RCN1: variants seen among roughly 807,000 people sequenced by gnomAD.
RCN1 encodes reticulocalbin 1.
RCN1 carries 14 observed loss-of-function variants against 34.7 expected under a neutral mutation model. That is an observed-to-expected ratio of 0.40 (90% CI 0.27 to 0.63). RCN1 has a LOEUF of 0.63. Ranked by LOEUF, RCN1 falls within the 30% of genes least tolerant of loss-of-function variation. The pLI is 0.37. For missense variants in RCN1, 326 were observed against 425.1 expected, an observed-to-expected ratio of 0.77 and a Z score of 2.05; for synonymous variants, 125 against 165.5, an observed-to-expected ratio of 0.76 and a Z score of 1.88.
chr11:32,092,787 G>T, intron 1 of RCN1, among the ~76,000 whole-genome samples: 1 of 152,120 alleles, frequency 6.6e-6, no homozygotes, highest in Non-Finnish European at 1.5e-5. Context: ...GGGGGTGGAG[G>T]ATCTTCATGT....
chr11:32,097,318 C>T lies in RCN1; in HGVS notation c.429C>T (p.Ala143=). 1 of 1,575,810 alleles carries T rather than the reference C, an allele frequency of 6.3e-7. No individual in the cohort carries two copies. Among genetic ancestry groups the T allele is most frequent in the Non-Finnish European group, 8.6e-7 (1 of 1,166,440 alleles). Residue 143 remains alanine, a synonymous_variant, in exon 2 of 6, where the codon GCC becomes GCT. Transcript: ENST00000054950. Reference sequence around the variant, plus strand: ...TTTCCTGGGAAGAATACAAACAAGCCACCTATGGTTACTACCTAGGTAAGA... The same window carrying T: ...TTTCCTGGGAAGAATACAAACAAGCTACCTATGGTTACTACCTAGGTAAGA... ...DKISWEEYKQ[A]TYGYYLGNPA... is the part of the protein sequence containing the mutation.
At chr11:32,096,782 A>G (rs1217544040) in intron 1 of RCN1, 1 of 186,910 alleles carries the variant, frequency 5.4e-6, no homozygotes, top group African/African-American at 2.3e-5. Flanking sequence ...GTGCTGGACT[A>G]CAGCAGGGAA....
At chr11:32,093,881 G>A (rs1590217264) in intron 1 of RCN1, among the ~76,000 whole-genome samples, 1 of 152,202 alleles carries the variant, frequency 6.6e-6, no homozygotes, top group Non-Finnish European at 1.5e-5. Flanking sequence ...TGCCAAAGGG[G>A]CTTGGTCTCT....
Position 32,103,131 on chromosome 11 carries a change from C to A in RCN1, c.689-150C>A, listed in dbSNP as rs777574085. The A allele has an allele frequency of 1.7e-5, 12 of 690,102 alleles. No individual in the cohort carries two copies. The Admixed American group carries it at 2.5e-4, about 14-fold the overall frequency. 42.7% of individuals were successfully genotyped at this position (690,102 alleles called of 1,614,324 possible). On this transcript the variant is annotated intron_variant, in intron 4 of 5. Transcript: ENST00000054950. Reference sequence around the variant, plus strand: ...ATGAATAAATTACTGCATCATTATCCCCAAGAAGCTGCCTACCAGCTGTTT... The same window carrying A: ...ATGAATAAATTACTGCATCATTATCACCAAGAAGCTGCCTACCAGCTGTTT...
chr11:32,104,012 A>G (rs1045802591), intron 5 of RCN1, among the ~76,000 whole-genome samples: 2 of 152,182 alleles, frequency 1.3e-5, no homozygotes, highest in East Asian at 1.9e-4. Flanking sequence ...ATTGCCCCCA[A>G]ATTCTCAGGT....
chr11:32,096,506 T>C (rs1328907690), intron 1 of RCN1: 2 of 152,258 alleles, frequency 1.3e-5, no homozygotes, highest in African/African-American at 2.4e-5. Context: ...GATTCTATGA[T>C]GTCAAGGCTC....
In RCN1 at chr11:32,103,427, G is replaced by A. The variant is rs769989797; in HGVS notation, c.835G>A (p.Asp279Asn). The change falls in exon 5 of 6, where the codon GAT (aspartate) becomes AAT (asparagine). Residue 279 changes from aspartate (D) to asparagine (N), a missense_variant. Asp to Asn is a conservative substitution (Grantham distance 23, BLOSUM62 1). Transcript: ENST00000054950. Reference sequence around the variant, plus strand: ...CCACTGGATCCTCCCTCAAGATTATGATCATGCACAGGCTGAGGCCAGGCA... The same window carrying A: ...CCACTGGATCCTCCCTCAAGATTATAATCATGCACAGGCTGAGGCCAGGCA... ...IRHWILPQDYDHAQAEARHLV... is the reference protein window; with the variant it reads ...IRHWILPQDYNHAQAEARHLV... 6.2e-7 allele frequency: 1 copy of A among 1,613,964 alleles called. No homozygotes were observed. Among genetic ancestry groups the A allele is most frequent in the Admixed American group, 1.7e-5 (1 of 60,022 alleles).
At chr11:32,102,518 A>C (rs2133477831) in intron 4 of RCN1, 1 of 153,334 alleles carries the variant, frequency 6.5e-6, no homozygotes, top group African/African-American at 2.4e-5. Flanking sequence ...TGACACACAC[A>C]CAATGCAAAA....
At chr11:32,100,467 G>A in intron 3 of RCN1, 81 bp from the exon 4 acceptor site, 1 of 1,164,944 alleles carries the variant, frequency 8.6e-7, no homozygotes, top group Non-Finnish European at 1.3e-6. Context: ...CGTAAAAGCT[G>A]GACAAATGAG....
rs551864603 is a variant in RCN1 at position 32,104,514 on chromosome 11, G to T, written c.*42G>T. The T allele has an allele frequency of 4.6e-4, 479 of 1,042,656 alleles. 3 individuals carry two copies. The South Asian group carries it at 5.6e-3, about 12-fold the overall frequency. The allele number at this position is 1,042,656 out of a possible 1,614,324, so 64.6% of individuals were successfully genotyped here. On this transcript the variant is annotated 3_prime_UTR_variant, in exon 6 of 6. Coordinates refer to ENST00000054950, the MANE Select transcript of RCN1 (RefSeq NM_002901.4). ...TATGGCAGACTGTCATAGGCATTCT[G>T]TTATTGTCTTGGATTGTTGCTACAA...
intron 1 of RCN1, among the ~76,000 whole-genome samples, chr11:32,093,612 G>T (rs550949631): frequency 6.6e-6 from 1 of 152,188 alleles, no homozygotes; most frequent in African/African-American, 2.4e-5. Context: ...ATTTCTAAAG[G>T]GTTTGAAAAG....
At chr11:32,102,254 C>T (rs1410140149) in intron 4 of RCN1, 7 of 109,676 alleles carry the variant, frequency 6.4e-5, no homozygotes, top group Non-Finnish European at 9.4e-5. Context: ...TCAGCTTCCT[C>T]ATCTGTAAAA....
chr11:32,098,531 A>G lies in RCN1; in HGVS notation c.627+3A>G. 1.2e-6 allele frequency: 2 copies of G among 1,605,510 alleles called. No homozygotes were observed. The highest frequency in any genetic ancestry group is 1.7e-4 in the Middle Eastern group (1 of 6,018). On this transcript the variant is annotated splice_donor_region_variant and intron_variant, in intron 3 of 5. Transcript: ENST00000054950. The stretch of plus-strand genomic sequence containing the variant: ...ATATGAAGGAAATTGTGGTTTTGGT[A>G]AGATAAGTGAAGAGTCTGGGCTGGG...
intron 3 of RCN1, 37 bp from the exon 4 acceptor site, chr11:32,100,511 G>A: frequency 6.5e-7 from 1 of 1,534,748 alleles, no homozygotes; most frequent in Admixed American, 1.7e-5. Context: ...TAGAGCACAT[G>A]GCCATCTTGC....
At chr11:32,095,476 C>T (rs1390744575) in intron 1 of RCN1, among the ~76,000 whole-genome samples, 3 of 152,092 alleles carry the variant, frequency 2.0e-5, no homozygotes, top group East Asian at 1.9e-4. Context: ...GGCGTGATCT[C>T]GGCTCACTGC....
chr11:32,095,902 T>G (rs1851968677), intron 1 of RCN1, among the ~76,000 whole-genome samples: 1 of 152,120 alleles, frequency 6.6e-6, no homozygotes, highest in African/African-American at 2.4e-5. Context: ...AAGCTGTTGG[T>G]GATGTTTACA....
In RCN1 at chr11:32,104,606, A is replaced by G. The variant is rs996755912; in HGVS notation, c.*134A>G. The G allele has an allele frequency of 5.1e-6, 3 of 582,672 alleles. No individual in the cohort carries two copies. In the African/African-American group the frequency reaches 5.6e-5, roughly 11 times the overall value. 36.1% of individuals were successfully genotyped at this position (582,672 alleles called of 1,614,324 possible). A position where few individuals can be genotyped will look rare whatever the true frequency, so the allele number is the denominator to read the frequency against. On this transcript the variant is annotated 3_prime_UTR_variant, in exon 6 of 6. Coordinates refer to ENST00000054950, the MANE Select transcript of RCN1 (RefSeq NM_002901.4). Reference sequence around the variant, plus strand: ...TTATACCTCAGATTGGGGTATAAAAATTGTTTTTCGCTCAGTATTTACTGG... The same window carrying G: ...TTATACCTCAGATTGGGGTATAAAAGTTGTTTTTCGCTCAGTATTTACTGG...
intron 3 of RCN1, among the ~76,000 whole-genome samples, chr11:32,099,790 G>C (rs1398797261): frequency 1.3e-5 from 2 of 152,180 alleles, no homozygotes; most frequent in Non-Finnish European, 2.9e-5. Flanking sequence ...CCTCCTGACT[G>C]CCATGACTGT....
Position 32,098,451 on chromosome 11 carries a change from C to A in RCN1, c.550C>A (p.Leu184Met). ...CAAAGCTGCAGACCTCAATGGTGAC[C>A]TGACAGCTACTCGGGAGGAGTTCAC... is the stretch of plus-strand genomic sequence containing the variant. ...RFKAADLNGD[L>M]TATREEFTAF... is the part of the protein sequence containing the mutation. The change falls in exon 3 of 6, where the codon CTG (leucine) becomes ATG (methionine). Residue 184 changes from leucine (L) to methionine (M), a missense_variant. Physicochemically the swap from Leu to Met is conservative, Grantham distance 15. Coordinates refer to ENST00000054950, the MANE Select transcript of RCN1 (RefSeq NM_002901.4). The A allele has an allele frequency of 6.2e-7, 1 of 1,614,126 alleles. No individual in the cohort carries two copies. The highest frequency in any genetic ancestry group is 8.5e-7 in the Non-Finnish European group (1 of 1,179,984).
Sources: gnomAD v4.1 joint callset for allele counts (sites outside exome capture counted in the v4.1 genomes callset) on GRCh38, gnomAD v4.1.1 for gene constraint, MANE v1.5 for transcripts, NCBI Gene and HGNC (gene_info 2026-07-23, HGNC 2026-07-21) for gene names.